PTPRN2: variants seen among roughly 807,000 people sequenced by gnomAD.
PTPRN2 encodes the protein receptor-type tyrosine-protein phosphatase N2.
Under a neutral mutation model 118.8 loss-of-function variants are expected in PTPRN2, and 74 were observed. The ratio of observed to expected loss-of-function variants is 0.62; its 90% CI spans 0.52 to 0.76. The LOEUF (loss-of-function observed/expected upper bound fraction) is 0.76, where lower values mean the gene tolerates loss of function less well. PTPRN2 is among the 30% of genes least tolerant of loss of function. PTPRN2 has a pLI of 0.00. For missense variants in PTPRN2, 1,481 were observed against 1,394.4 expected (o/e 1.06, Z -0.99); for synonymous variants, 641 against 608.0 (o/e 1.05, Z -0.80).
chr7:158,266,985 G>T (rs1485053884), intron 3 of PTPRN2, among the ~76,000 whole-genome samples: 1 of 152,164 alleles, frequency 6.6e-6, no homozygotes, highest in African/African-American at 2.4e-5. Context: ...AAGATGTCTG[G>T]CTTCCACTTT....
chr7:158,072,086 G>A (rs1055883520), intron 11 of PTPRN2, among the ~76,000 whole-genome samples: 3 of 131,490 alleles, frequency 2.3e-5, no homozygotes, highest in African/African-American at 2.7e-5. Context: ...CGTGGTGGTG[G>A]AGGTGCTCGT....
chr7:158,095,463 A>T (rs1325960310), intron 10 of PTPRN2, among the ~76,000 whole-genome samples: 1 of 152,118 alleles, frequency 6.6e-6, no homozygotes, highest in East Asian at 1.9e-4. Context: ...ATTTAATTCT[A>T]CAACTCTGAT....
In PTPRN2 at chr7:158,316,877, C is replaced by A; in HGVS notation, c.219G>T (p.Glu73Asp). The part of the protein sequence containing the change: ...KVPAMDFYRY[E>D]VSPVALQRLR... ...GGCGCTGCAGGGCCACGGGCGACAC[C>A]TCGTAGCGGTAAAAGTCCATTGCCG... Residue 73 changes from glutamate (E) to aspartate (D), a missense_variant, in exon 3 of 23, where the codon GAG becomes GAT. Glu to Asp is a conservative substitution (Grantham distance 45). Around this residue, in one of 3 missense-constraint regions of PTPRN2, gnomAD observed 1,115 missense variants for 994.2 expected, o/e 1.12. Transcript: ENST00000389418. 3 of 1,612,390 alleles carry A rather than the reference C, an allele frequency of 1.9e-6. No individual in the cohort carries two copies. Among genetic ancestry groups the A allele is most frequent in the Non-Finnish European group, 2.5e-6 (3 of 1,180,000 alleles).
intron 6 of PTPRN2, among the ~76,000 whole-genome samples, chr7:158,146,168 G>A (rs935333839): frequency 6.6e-6 from 1 of 152,124 alleles, no homozygotes; most frequent in Admixed American, 6.6e-5. Context: ...CACAGTCAGA[G>A]AGCCCCTTAG....
chr7:158,314,571 C>T (rs1802132663), intron 3 of PTPRN2, among the ~76,000 whole-genome samples: 1 of 152,254 alleles, frequency 6.6e-6, no homozygotes, highest in South Asian at 2.1e-4. Context: ...GGAGCTGGGC[C>T]CAAGCCGCCC....
intron 12 of PTPRN2, among the ~76,000 whole-genome samples, chr7:157,889,210 C>T (rs542995395): frequency 6.6e-6 from 1 of 152,080 alleles, no homozygotes; most frequent in Non-Finnish European, 1.5e-5. Context: ...GGGACCGTGA[C>T]AGGATGAAGG....
At chr7:157,853,131 C>A (rs1294819327) in intron 12 of PTPRN2, among the ~76,000 whole-genome samples, 1 of 152,050 alleles carries the variant, frequency 6.6e-6, no homozygotes, top group Non-Finnish European at 1.5e-5. Flanking sequence ...CACACGGATG[C>A]GATGTGTGAT....
chr7:158,058,655 CGGTG>C, intron 11 of PTPRN2, among the ~76,000 whole-genome samples: 2 of 90,024 alleles, frequency 2.2e-5, no homozygotes, highest in Non-Finnish European at 4.4e-5. Context: ...CATCTGCCCA[CGGTG>C]AGACATCACT....
chr7:158,222,027 AC>A (rs1828418264), intron 3 of PTPRN2, among the ~76,000 whole-genome samples: 1 of 152,218 alleles, frequency 6.6e-6, no homozygotes, highest in African/African-American at 2.4e-5. Context: ...AAAATGAGAT[AC>A]TATTTCACAT....
rs1274708330 is a variant in PTPRN2, at chr7:158,529,413, C to T, written c.113-39628G>A. 1.3e-5 allele frequency among the ~76,000 whole-genome samples: 2 copies of T among 152,196 alleles called. No homozygotes were observed. The highest frequency in any genetic ancestry group is 2.4e-5 in the African/African-American group (1 of 41,446). On this transcript the variant is annotated intron_variant, in intron 1 of 22. Transcript: ENST00000389418. This position sits in a 1 kb window ranked among gnomAD's most constrained non-coding sequence, Gnocchi z 4.7. ...GGCCCAGGGGAGGCCAGCAGGAGGACGGACTCACCAGGACACCCCCAAGGA... is the reference window on the plus strand; with the variant it reads ...GGCCCAGGGGAGGCCAGCAGGAGGATGGACTCACCAGGACACCCCCAAGGA...
intron 12 of PTPRN2, among the ~76,000 whole-genome samples, chr7:157,833,804 C>G (rs1807748316): frequency 6.6e-6 from 1 of 152,234 alleles, no homozygotes; most frequent in South Asian, 2.1e-4. Context: ...CAACTCTCAT[C>G]CATGGACATT....
intron 3 of PTPRN2, among the ~76,000 whole-genome samples, chr7:158,250,458 C>T (rs569951406): frequency 6.6e-6 from 1 of 152,236 alleles, no homozygotes; most frequent in African/African-American, 2.4e-5. Context: ...GCCTCCCCAT[C>T]CTCATCCCCT....
rs1451149054 is a variant in PTPRN2 at position 157,729,779 on chromosome 7, C to T, written c.1789-46842G>A. 2.6e-5 allele frequency among the ~76,000 whole-genome samples: 4 copies of T among 152,198 alleles called. No homozygotes were observed. The highest frequency in any genetic ancestry group is 2.6e-4 in the Admixed American group (4 of 15,284). ...AGAGATGGTGCCCAGGTAGTGACTG[C>T]ACCACACCCATAAGGGCCACCTGCT... On this transcript the variant is annotated intron_variant, in intron 12 of 22. Coordinates refer to ENST00000389418, the MANE Select transcript of PTPRN2 (RefSeq NM_002847.5). The surrounding 1 kb of genome is among the most constrained non-coding windows in gnomAD (Gnocchi z 4.3).
intron 2 of PTPRN2, among the ~76,000 whole-genome samples, chr7:158,354,669 C>A (rs760594457): frequency 2.0e-5 from 3 of 152,066 alleles, no homozygotes; most frequent in African/African-American, 4.8e-5. Context: ...AGACAACCTA[C>A]AAGATAGAGA....
chr7:158,306,862 T>TG, intron 3 of PTPRN2, among the ~76,000 whole-genome samples: 1 of 137,990 alleles, frequency 7.2e-6, no homozygotes, highest in Admixed American at 6.9e-5. Context: ...TTTGTTTTTT[T>TG]TTTTTTTTTT....
chr7:158,039,586 A>T (rs1808310469), intron 11 of PTPRN2, among the ~76,000 whole-genome samples: 1 of 152,250 alleles, frequency 6.6e-6, no homozygotes, highest in South Asian at 2.1e-4. Flanking sequence ...ACACCAGAAG[A>T]AATTTTAGCC....
intron 11 of PTPRN2, among the ~76,000 whole-genome samples, chr7:158,026,580 T>C (rs985753102): frequency 6.6e-6 from 1 of 152,176 alleles, no homozygotes; most frequent in African/African-American, 2.4e-5. Context: ...AATCATACAC[T>C]AAAACAACTT....
intron 12 of PTPRN2, among the ~76,000 whole-genome samples, chr7:157,890,360 G>T (rs1255446004): frequency 1.3e-5 from 2 of 152,176 alleles, no homozygotes; most frequent in African/African-American, 2.4e-5. Context: ...TAAGACTTCA[G>T]GCTGGGCACG....
intron 2 of PTPRN2, among the ~76,000 whole-genome samples, chr7:158,365,836 G>GCGCGCA (rs1554480252): frequency 6.8e-5 from 1 of 14,740 alleles, no homozygotes; most frequent in Non-Finnish European, 3.7e-4. Context: ...GTGCATGCGT[G>GCGCGCA]CACACACACA....
Sources: gnomAD v4.1 joint callset for allele counts (sites outside exome capture counted in the v4.1 genomes callset) on GRCh38, gnomAD v4.1.1 for gene constraint, gnomAD v4.1.1 regional missense constraint, Gnocchi (gnomAD v3.1) non-coding constraint, MANE v1.5 for transcripts, NCBI Gene and HGNC (gene_info 2026-07-23, HGNC 2026-07-21) for gene names.